The following FCHO2 variants were observed in gnomAD, a reference collection of about 807,000 sequenced individuals.
FCHO2 encodes F-BAR domain only protein 2.
FCHO2 carries 43 observed loss-of-function variants against 114.1 expected under a neutral mutation model. That is an observed-to-expected ratio of 0.38 (90% confidence interval 0.30 to 0.49). FCHO2 has a LOEUF of 0.49. Among genes scored for constraint, FCHO2 ranks in the 20% least tolerant of loss-of-function variants. The pLI is 0.97. For missense variants in FCHO2, 807 were observed against 950.4 expected (o/e 0.85, Z 1.98); for synonymous variants, 293 against 315.2 (o/e 0.93, Z 0.75).
chr5:73,013,566 T>C (rs779098634), intron 6 of FCHO2, among the ~76,000 whole-genome samples: 4 of 152,212 alleles, frequency 2.6e-5, no homozygotes, highest in Admixed American at 6.5e-5. Flanking sequence ...TATTAATAGA[T>C]GTTCAGGGAA....
Position 73,052,482 on chromosome 5 carries a change from A to G in FCHO2, c.1148A>G (p.Asn383Ser). The part of the protein sequence containing the change: ...SLDELKVSIG[N>S]ITLSPAISRH... ...GATGAATTAAAAGTATCTATAGGGA[A>G]TATAACACTCTCCCCAGCAATATCT... is the stretch of plus-strand genomic sequence containing the variant. Residue 383 changes from asparagine (N) to serine (S), a missense_variant, in exon 13 of 26, where the codon AAT becomes AGT. Asn to Ser is a conservative substitution (Grantham distance 46). Transcript: ENST00000430046. 1 of 1,594,128 alleles carries G rather than the reference A, an allele frequency of 6.3e-7. No individual in the cohort carries two copies. Among genetic ancestry groups the G allele is most frequent in the African/African-American group, 1.3e-5 (1 of 74,710 alleles).
At chr5:73,029,345 A>T (rs1756108340) in intron 8 of FCHO2, among the ~76,000 whole-genome samples, 1 of 152,216 alleles carries the variant, frequency 6.6e-6, no homozygotes. Flanking sequence ...ACTCAACCTT[A>T]TGAGTATGGG....
intron 5 of FCHO2, among the ~76,000 whole-genome samples, chr5:72,991,113 G>A (rs186851548): frequency 6.6e-6 from 1 of 152,322 alleles, no homozygotes; most frequent in Non-Finnish European, 1.5e-5. Context: ...TGCCTAGGCT[G>A]GAGTGCAGTG....
chr5:73,048,051 T>G (rs956418879), intron 11 of FCHO2, among the ~76,000 whole-genome samples: 44 of 150,732 alleles, frequency 2.9e-4, no homozygotes, highest in African/African-American at 1.0e-3. Context: ...CCAGCTCTAC[T>G]GCTGGTCTCG....
intron 1 of FCHO2, among the ~76,000 whole-genome samples, chr5:72,956,512 C>A (rs1751552089): frequency 6.6e-6 from 1 of 152,014 alleles, no homozygotes. Context: ...CAGCCGCCTC[C>A]CGCTGCGCGC....
At chr5:72,956,974 T>TC (rs1751582705) in intron 1 of FCHO2, among the ~76,000 whole-genome samples, 1 of 152,156 alleles carries the variant, frequency 6.6e-6, no homozygotes, top group Non-Finnish European at 1.5e-5. Context: ...CTTTCGTGAA[T>TC]CCCATTTTAT....
intron 8 of FCHO2, among the ~76,000 whole-genome samples, chr5:73,031,427 C>A (rs1025386799): frequency 2.6e-5 from 4 of 152,056 alleles, no homozygotes; most frequent in Non-Finnish European, 5.9e-5. Flanking sequence ...AAAAACTTGT[C>A]CTGTTGATGG....
Position 73,054,151 on chromosome 5 carries a change from T to C in FCHO2, c.1174-9T>C. Reference sequence around the variant, plus strand: ...AACCTAATTTTCTTTTTCTTCCATGTACTACTAGAGACACAGTCCAGTAAG... The same window carrying C: ...AACCTAATTTTCTTTTTCTTCCATGCACTACTAGAGACACAGTCCAGTAAG... On this transcript the variant is annotated splice_polypyrimidine_tract_variant and intron_variant, in intron 13 of 25. Transcript: ENST00000430046. The C allele has an allele frequency of 6.6e-7, 1 of 1,507,160 alleles. No individual in the cohort carries two copies. Among genetic ancestry groups the C allele is most frequent in the Non-Finnish European group, 8.9e-7 (1 of 1,123,906 alleles). 93.4% of individuals were successfully genotyped at this position (1,507,160 alleles called of 1,614,324 possible).
intron 6 of FCHO2, among the ~76,000 whole-genome samples, chr5:73,013,844 C>G (rs7727068): frequency 0.14 from 21,719 of 152,004 alleles, 1,770 homozygotes; most frequent in East Asian, 0.34. Flanking sequence ...CGCCACCATG[C>G]CTGGCTAATT....
At chr5:73,082,949 C>T (rs1295302460) in intron 24 of FCHO2, 124 bp downstream of exon 24, 18 of 735,174 alleles carry the variant, frequency 2.4e-5, no homozygotes, top group Non-Finnish European at 3.9e-5. Flanking sequence ...TCTCAGCTCA[C>T]TGCAACCTCC....
At chr5:73,085,314 C>T (rs1399586933) in intron 24 of FCHO2, among the ~76,000 whole-genome samples, 3 of 151,530 alleles carry the variant, frequency 2.0e-5, no homozygotes, top group Non-Finnish European at 2.9e-5. Flanking sequence ...GCACCACTGC[C>T]CTCCAGCCTG....
intron 14 of FCHO2, 59 bp downstream of exon 14, chr5:73,054,230 A>G (rs1702673464): frequency 6.6e-6 from 9 of 1,354,860 alleles, no homozygotes; most frequent in South Asian, 1.4e-5. Context: ...TAATTTTGGA[A>G]GATTGACTTT....
chr5:73,020,865 G>A, intron 8 of FCHO2: 2 of 995,394 alleles, frequency 2.0e-6, no homozygotes, highest in Non-Finnish European at 1.6e-6. Flanking sequence ...TGACCATTAA[G>A]TGTAGCACCT....
At chr5:72,989,277 C>T (rs1753700551) in intron 2 of FCHO2, 150 bp from the exon 3 acceptor site, 4 of 578,670 alleles carry the variant, frequency 6.9e-6, no homozygotes, top group East Asian at 2.8e-5. Context: ...GAAGATAGGC[C>T]GGAAATTCAT....
intron 10 of FCHO2, among the ~76,000 whole-genome samples, 163 bp downstream of exon 10, chr5:73,037,378 A>C (rs530030260): frequency 7.1e-6 from 1 of 140,832 alleles, no homozygotes; most frequent in African/African-American, 2.6e-5. Flanking sequence ...ACATTTGCCA[A>C]TTCCTCTGGT....
chr5:73,077,518 G>A (rs755973755), intron 21 of FCHO2, 25 bp downstream of exon 21: 5 of 1,568,572 alleles, frequency 3.2e-6, no homozygotes, highest in Middle Eastern at 3.4e-4. Context: ...TGTTTTGAAG[G>A]TTGAAATTTC....
chr5:72,991,538 G>A (rs193079927), intron 5 of FCHO2, among the ~76,000 whole-genome samples: 20 of 152,326 alleles, frequency 1.3e-4, no homozygotes, highest in Admixed American at 1.2e-3. Context: ...CTTTAAATGT[G>A]TGTTGTGGTG....
intron 2 of FCHO2, among the ~76,000 whole-genome samples, chr5:72,972,978 T>G (rs1307794002): frequency 1.1e-4 from 17 of 152,172 alleles, no homozygotes; most frequent in Non-Finnish European, 1.9e-4. Context: ...TTTTGTCTTT[T>G]GTTCTGTTTA....
At chr5:73,076,535 C>T (rs1003944027) in intron 20 of FCHO2, among the ~76,000 whole-genome samples, 7 of 152,104 alleles carry the variant, frequency 4.6e-5, no homozygotes, top group African/African-American at 1.4e-4. Context: ...AAAGAGGGAA[C>T]AATCACATGA....
Sources: gnomAD v4.1 joint callset for allele counts (sites outside exome capture counted in the v4.1 genomes callset) on GRCh38, gnomAD v4.1.1 for gene constraint, MANE v1.5 for transcripts, NCBI Gene and HGNC (gene_info 2026-07-23, HGNC 2026-07-21) for gene names.